FLVCR1: variants seen among roughly 807,000 people sequenced by gnomAD.
The protein encoded by FLVCR1 is choline/ethanolamine transporter FLVCR1.
A neutral mutation model predicts 53.6 loss-of-function variants in FLVCR1; 34 were observed. The ratio of observed to expected loss-of-function variants is 0.63; its 90% CI spans 0.48 to 0.84. FLVCR1 has a LOEUF of 0.84. Ranked by LOEUF, FLVCR1 falls within the 40% of genes least tolerant of loss-of-function variation. The pLI is 0.00. For synonymous variants in FLVCR1, 300 were observed against 286.3 expected, an observed-to-expected ratio of 1.05 and a Z score of -0.48; for missense variants, 677 against 696.7, an observed-to-expected ratio of 0.97 and a Z score of 0.32.
chr1:212,883,550 A>T (rs12125982), intron 4 of FLVCR1, 112 bp downstream of exon 4: 1 of 666,394 alleles, frequency 1.5e-6, no homozygotes, highest in South Asian at 1.7e-5. Flanking sequence ...TTGCTATCAA[A>T]TATTTACATT....
At position 212,883,409 on chromosome 1, in the gene FLVCR1, T is replaced by C. The variant is rs1312063756; in HGVS notation, c.1063T>C (p.Leu355=). 1.3e-6 allele frequency: 2 copies of C among 1,583,344 alleles called. No individual in the cohort carries two copies. Among genetic ancestry groups the C allele is most frequent in the Non-Finnish European group, 1.7e-6 (2 of 1,154,264 alleles). Residue 355 remains leucine, a synonymous_variant, in exon 4 of 10, where the codon TTA becomes CTA. Coordinates refer to ENST00000366971, the MANE Select transcript of FLVCR1 (RefSeq NM_014053.4). ...TGAFYSVSTL[L]NQMILTYYEG... ...TGCCTTTTATTCAGTCTCAACGTTA[T>C]TAAATCAAATGATATTGACATATTA...
Position 212,899,154 on chromosome 1 carries a change from C to T in FLVCR1, c.*3864C>T, listed in dbSNP as rs1665411792. On this transcript the variant is annotated 3_prime_UTR_variant, in exon 10 of 10. Transcript: ENST00000366971. ...AAGCTGTTGCATTTATTACAAATGTCACAAATACAGCTCTTGCCTTTTGAG... is the reference window on the plus strand; with the variant it reads ...AAGCTGTTGCATTTATTACAAATGTTACAAATACAGCTCTTGCCTTTTGAG... 1 of 152,148 alleles carries T rather than the reference C, an allele frequency of 6.6e-6. No individual in the cohort carries two copies. Among genetic ancestry groups the T allele is most frequent in the African/African-American group, 2.4e-5 (1 of 41,430 alleles). 9.4% of individuals were successfully genotyped at this position (152,148 alleles called of 1,614,324 possible).
rs1664796237 is a variant in FLVCR1 at position 212,877,686 on chromosome 1, G to GCTTTT, written c.1024+4868_1024+4869insCTTTT. On this transcript the variant is annotated intron_variant, in intron 3 of 9. Coordinates refer to ENST00000366971, the MANE Select transcript of FLVCR1 (RefSeq NM_014053.4). ...AAGTTGTCTGTTCACTCTGATGATA[G>GCTTTT]TTTTTTTTTTTTTTTTTGCTGTGCA... 1.6e-5 allele frequency among the ~76,000 whole-genome samples: 2 copies of GCTTTT among 127,186 alleles called. 1 individual carries two copies. The highest frequency in any genetic ancestry group is 5.8e-5 in the African/African-American group (2 of 34,742). The allele number at this position is 127,186 out of a possible 152,430, so 83.4% of individuals were successfully genotyped here. A position where few individuals can be genotyped will look rare whatever the true frequency, so the allele number is the denominator to read the frequency against.
chr1:212,870,084 A>C (rs1018049840), intron 2 of FLVCR1: 1 of 152,226 alleles, frequency 6.6e-6, no homozygotes, highest in Non-Finnish European at 1.5e-5. Context: ...AAGACAACAG[A>C]CATCCTAACA....
chr1:212,863,573 A>T (rs1388123435), intron 1 of FLVCR1, 152 bp from the exon 2 acceptor site: 1 of 649,116 alleles, frequency 1.5e-6, no homozygotes, highest in African/African-American at 1.9e-5. Context: ...TGGGAGACAG[A>T]CTTTGTCTCA....
Position 212,858,456 on chromosome 1 carries a change from G to A in FLVCR1, c.4G>A (p.Ala2Thr). The change falls in exon 1 of 10, where the codon GCG (alanine) becomes ACG (threonine). Residue 2 changes from alanine (A) to threonine (T), a missense_variant. Transcript: ENST00000366971. M[A>T]RPDDEEGAAV... ...GTGGCGCCGGGGAGCCTGGGATATG[G>A]CGCGGCCAGACGATGAGGAGGGGGC... 7.0e-7 allele frequency: 1 copy of A among 1,438,260 alleles called. No homozygotes were observed. The highest frequency in any genetic ancestry group is 9.1e-7 in the Non-Finnish European group (1 of 1,101,494). The allele number at this position is 1,438,260 out of a possible 1,614,324, so 89.1% of individuals were successfully genotyped here.
intron 3 of FLVCR1, among the ~76,000 whole-genome samples, chr1:212,876,348 C>T (rs539287086): frequency 1.5e-4 from 23 of 151,654 alleles, no homozygotes; most frequent in East Asian, 3.9e-4. Flanking sequence ...CATCCATGTC[C>T]CTGCAAAGGA....
rs986366767 is a variant in FLVCR1 at position 212,899,335 on chromosome 1, C to G, written c.*4045C>G. 1.3e-5 allele frequency: 2 copies of G among 152,086 alleles called. No homozygotes were observed. Among genetic ancestry groups the G allele is most frequent in the Non-Finnish European group, 2.9e-5 (2 of 68,028 alleles). The allele number at this position is 152,086 out of a possible 1,614,324, so 9.4% of individuals were successfully genotyped here. ...TATGCTTGTTCTTCAGTATTTCAGA[C>G]TCAAAATAAATTTATTTTTTTATGT... On this transcript the variant is annotated 3_prime_UTR_variant, in exon 10 of 10. Coordinates refer to ENST00000366971, the MANE Select transcript of FLVCR1 (RefSeq NM_014053.4).
chr1:212,860,349 G>GTTTTTTTTTTTTTTTTTTTTT (rs1436823234), intron 1 of FLVCR1, among the ~76,000 whole-genome samples: 1 of 56,636 alleles, frequency 1.8e-5, no homozygotes, highest in Non-Finnish European at 4.7e-5. Flanking sequence ...TTGTGTGTGT[G>GTTTTTTTTTTTTTTTTTTTTT]GTTTTTTTTT....
Position 212,885,285 on chromosome 1 carries a change from T to C in FLVCR1, c.1093-8T>C. The C allele has an allele frequency of 6.2e-7, 1 of 1,608,628 alleles. No homozygotes were observed. Among genetic ancestry groups the C allele is most frequent in the Non-Finnish European group, 8.5e-7 (1 of 1,175,078 alleles). ...ATTTGATCAACTTCTTACGCAAATT[T>C]TTTTCAGGGAGAAGAAGTCAATGCT... On this transcript the variant is annotated splice_polypyrimidine_tract_variant and splice_region_variant and intron_variant, in intron 4 of 9. Coordinates refer to ENST00000366971, the MANE Select transcript of FLVCR1 (RefSeq NM_014053.4).
At chr1:212,876,124 C>CATCA (rs1664746065) in intron 3 of FLVCR1, among the ~76,000 whole-genome samples, 1 of 151,684 alleles carries the variant, frequency 6.6e-6, no homozygotes, top group Non-Finnish European at 1.5e-5. Flanking sequence ...TGACCTCAGG[C>CATCA]ATCACCTAGG....
In FLVCR1 at chr1:212,858,354, G is replaced by C; in HGVS notation, c.-99G>C. 8.5e-7 allele frequency: 1 copy of C among 1,171,042 alleles called. No individual in the cohort carries two copies. The highest frequency in any genetic ancestry group is 1.2e-6 in the Non-Finnish European group (1 of 868,510). The allele number at this position is 1,171,042 out of a possible 1,614,324, so 72.5% of individuals were successfully genotyped here. Reference sequence around the variant, plus strand: ...CGGGGAAGGAGCGGTGGGCCGAGGGGTTGGAGGTGGGGCCCCAGGAGGACC... The same window carrying C: ...CGGGGAAGGAGCGGTGGGCCGAGGGCTTGGAGGTGGGGCCCCAGGAGGACC... On this transcript the variant is annotated 5_prime_UTR_variant, in exon 1 of 10. Coordinates refer to ENST00000366971, the MANE Select transcript of FLVCR1 (RefSeq NM_014053.4).
intron 6 of FLVCR1, among the ~76,000 whole-genome samples, 180 bp downstream of exon 6, chr1:212,888,181 T>C (rs1665105347): frequency 6.6e-6 from 1 of 152,218 alleles, no homozygotes. Flanking sequence ...TTATTTAAAA[T>C]TGGTTTTTGG....
At chr1:212,875,606 G>T (rs1664728851) in intron 3 of FLVCR1, among the ~76,000 whole-genome samples, 1 of 152,264 alleles carries the variant, frequency 6.6e-6, no homozygotes, top group African/African-American at 2.4e-5. Context: ...ACTTTGGGAG[G>T]CCAAGGTGGG....
In FLVCR1 at chr1:212,895,028, G is replaced by C. The variant is rs1299594976; in HGVS notation, c.1568G>C (p.Gly523Ala). 1 of 1,595,364 alleles carries C rather than the reference G, an allele frequency of 6.3e-7. No individual in the cohort carries two copies. The highest frequency in any genetic ancestry group is 1.1e-5 in the South Asian group (1 of 90,674). Residue 523 changes from glycine to alanine, a missense_variant, in exon 9 of 10, where the codon GGA (glycine) becomes GCA (alanine). Gly to Ala is a moderately conservative substitution (Grantham distance 60). Transcript: ENST00000366971. ...SDLRRHNINI[G>A]ITNVDVKAIP... ...CTGCGAAGACACAACATAAATATAG[G>C]AATTACAAATGTTGATGTTAAAGCT...
intron 2 of FLVCR1, among the ~76,000 whole-genome samples, chr1:212,864,080 T>A (rs977272387): frequency 3.3e-5 from 5 of 152,226 alleles, no homozygotes; most frequent in African/African-American, 1.2e-4. Context: ...GTTTGAAGAC[T>A]AATTCATTTA....
At chr1:212,887,364 G>T (rs1391197245) in intron 5 of FLVCR1, among the ~76,000 whole-genome samples, 1 of 152,196 alleles carries the variant, frequency 6.6e-6, no homozygotes, top group Admixed American at 6.5e-5. Flanking sequence ...CTCCTGTTGT[G>T]TGCATCTTTC....
intron 3 of FLVCR1, among the ~76,000 whole-genome samples, chr1:212,876,113 C>T (rs1664745714): frequency 1.3e-5 from 2 of 151,898 alleles, no homozygotes; most frequent in Non-Finnish European, 2.9e-5. Flanking sequence ...TCTCGAATTC[C>T]TGACCTCAGG....
intron 3 of FLVCR1, among the ~76,000 whole-genome samples, chr1:212,876,452 G>A (rs1290342882): frequency 2.7e-5 from 4 of 149,544 alleles, no homozygotes; most frequent in Non-Finnish European, 5.9e-5. Flanking sequence ...TGCAACCTCC[G>A]CCTCCCAGGT....
Sources: gnomAD v4.1 joint callset for allele counts (sites outside exome capture counted in the v4.1 genomes callset) on GRCh38, gnomAD v4.1.1 for gene constraint, MANE v1.5 for transcripts, NCBI Gene and HGNC (gene_info 2026-07-23, HGNC 2026-07-21) for gene names.